TTC21B: variants seen among roughly 807,000 people sequenced by gnomAD.
The protein encoded by TTC21B is tetratricopeptide repeat domain 21B, also known as tetratricopeptide repeat protein 21B.
In TTC21B, 127 loss-of-function variants were observed where a neutral mutation model predicts 175.1. The ratio of observed to expected loss-of-function variants is 0.73; its 90% CI spans 0.63 to 0.84. The LOEUF (loss-of-function observed/expected upper bound fraction) is 0.84, where lower values mean the gene tolerates loss of function less well. Ranked by LOEUF, TTC21B falls within the 40% of genes least tolerant of loss-of-function variation. The pLI, the probability that TTC21B is intolerant of heterozygous loss-of-function variation, is 0.00. For missense variants in TTC21B, 1,561 were observed against 1,558.3 expected, an observed-to-expected ratio of 1.00 and a Z score of -0.03; for synonymous variants, 524 against 524.5, an observed-to-expected ratio of 1.00 and a Z score of 0.01.
chr2:165,944,020 T>C (rs1475288095), intron 4 of TTC21B, among the ~76,000 whole-genome samples: 1 of 152,144 alleles, frequency 6.6e-6, no homozygotes, highest in Non-Finnish European at 1.5e-5. Context: ...CTAGGTTAAC[T>C]GACAAATTTA....
intron 14 of TTC21B, among the ~76,000 whole-genome samples, chr2:165,916,150 C>A (rs1305271198): frequency 7.9e-5 from 12 of 152,248 alleles, no homozygotes; most frequent in Admixed American, 3.3e-4. Flanking sequence ...CATGGCCCAG[C>A]TACTTGAGAG....
In TTC21B at chr2:165,880,699, T is replaced by C. The variant is rs747364918; in HGVS notation, c.3785A>G (p.Asn1262Ser). 7 of 1,613,624 alleles carry C rather than the reference T, an allele frequency of 4.3e-6. No individual in the cohort carries two copies. The East Asian group carries it at 1.3e-4, about 31-fold the overall frequency. ...LNYEMAWKYS[N>S]RTNPAVGYKL... ...CTCACCTACTGCCGGATTTGTCCGA[T>C]TGCTATATTTCCATGCCATCTCATA... Residue 1262 changes from asparagine to serine, a missense_variant, in exon 27 of 29, where the codon AAT becomes AGT. Coordinates refer to ENST00000243344, the MANE Select transcript of TTC21B (RefSeq NM_024753.5).
intron 27 of TTC21B, among the ~76,000 whole-genome samples, chr2:165,878,828 C>T (rs2105278820): frequency 6.6e-6 from 1 of 151,978 alleles, no homozygotes; most frequent in East Asian, 1.9e-4. Context: ...ATTACAGGCG[C>T]CCGCCACCAT....
chr2:165,891,581 T>G (rs1278933941), intron 22 of TTC21B, among the ~76,000 whole-genome samples: 1 of 107,278 alleles, frequency 9.3e-6, no homozygotes, highest in Admixed American at 1.4e-4. Flanking sequence ...AAAAATTCAT[T>G]CATTCATTCA....
intron 1 of TTC21B, among the ~76,000 whole-genome samples, chr2:165,951,615 C>G (rs760537699): frequency 1.3e-5 from 2 of 152,160 alleles, no homozygotes; most frequent in Non-Finnish European, 2.9e-5. Flanking sequence ...CTACCTCCCA[C>G]TAAACATACC....
chr2:165,916,048 C>T (rs764189252), intron 14 of TTC21B, among the ~76,000 whole-genome samples: 6 of 152,126 alleles, frequency 3.9e-5, no homozygotes, highest in East Asian at 1.9e-4. Context: ...TTTGGGAGGC[C>T]GAGCTGGGTG....
chr2:165,901,448 G>A (rs1044712916), intron 20 of TTC21B, among the ~76,000 whole-genome samples: 2 of 151,988 alleles, frequency 1.3e-5, no homozygotes, highest in Non-Finnish European at 2.9e-5. Flanking sequence ...AGCCTCCCAA[G>A]TAGCTGGGAT....
At chr2:165,916,166 G>A (rs985619423) in intron 14 of TTC21B, among the ~76,000 whole-genome samples, 1 of 152,140 alleles carries the variant, frequency 6.6e-6, no homozygotes, top group African/African-American at 2.4e-5. Flanking sequence ...GAGAGACTGA[G>A]ATGGTAAAAT....
intron 11 of TTC21B, 100 bp from the exon 12 acceptor site, chr2:165,924,778 C>G: frequency 7.5e-7 from 1 of 1,340,756 alleles, no homozygotes; most frequent in Admixed American, 2.4e-5. Context: ...AAGCTATATA[C>G]ATTTTTCTAA....
intron 19 of TTC21B, among the ~76,000 whole-genome samples, chr2:165,904,974 A>G (rs1685681236): frequency 6.6e-6 from 1 of 152,172 alleles, no homozygotes; most frequent in South Asian, 2.1e-4. Flanking sequence ...TGCAAAATCA[A>G]CACATAATAG....
At chr2:165,939,128 G>GT (rs1687274312) in intron 6 of TTC21B, among the ~76,000 whole-genome samples, 1 of 152,106 alleles carries the variant, frequency 6.6e-6, no homozygotes, top group African/African-American at 2.4e-5. Context: ...TGTGGTGACG[G>GT]TAGCTAGGGG....
intron 11 of TTC21B, 124 bp from the exon 12 acceptor site, chr2:165,924,802 T>A: frequency 2.7e-6 from 3 of 1,094,894 alleles, no homozygotes; most frequent in South Asian, 1.6e-5. Flanking sequence ...TTCTTTGATT[T>A]AACTTATTTT....
Position 165,876,250 on chromosome 2 carries a change from A to G in TTC21B, c.3806-18T>C, listed in dbSNP as rs200361643. On this transcript the variant is annotated intron_variant, in intron 27 of 28. Coordinates refer to ENST00000243344, the MANE Select transcript of TTC21B (RefSeq NM_024753.5). ...TTTGTATCCTGTTAAGACAAAAACCATAAAACAGAATGATGGAGTACACTG... is the reference window on the plus strand; with the variant it reads ...TTTGTATCCTGTTAAGACAAAAACCGTAAAACAGAATGATGGAGTACACTG... The G allele has an allele frequency of 6.1e-5, 89 of 1,448,638 alleles. No individual in the cohort carries two copies. The highest frequency in any genetic ancestry group is 1.8e-4 in the Middle Eastern group (1 of 5,528). 89.7% of individuals were successfully genotyped at this position (1,448,638 alleles called of 1,614,324 possible).
chr2:165,951,600 C>T (rs1201682931), intron 1 of TTC21B, among the ~76,000 whole-genome samples: 1 of 152,172 alleles, frequency 6.6e-6, no homozygotes, highest in Non-Finnish European at 1.5e-5. Context: ...TTCTATTTCT[C>T]CAGTCTACCT....
intron 3 of TTC21B, among the ~76,000 whole-genome samples, chr2:165,946,981 C>T (rs937032193): frequency 1.3e-5 from 2 of 151,446 alleles, no homozygotes; most frequent in African/African-American, 4.9e-5. Context: ...AGGTCCAGTA[C>T]TGGTACTCAA....
chr2:165,883,080 C>T (rs1684888262), intron 26 of TTC21B, among the ~76,000 whole-genome samples: 2 of 151,890 alleles, frequency 1.3e-5, no homozygotes, highest in Admixed American at 6.6e-5. Flanking sequence ...ATCTAATTCG[C>T]TCAATGAGAA....
At chr2:165,909,731 T>G (rs1202453598) in intron 18 of TTC21B, among the ~76,000 whole-genome samples, 6 of 152,180 alleles carry the variant, frequency 3.9e-5, no homozygotes, top group African/African-American at 1.4e-4. Context: ...TCAGTACTGC[T>G]TCCAACTATT....
chr2:165,950,318 T>G (rs1044984240), intron 1 of TTC21B, among the ~76,000 whole-genome samples: 1 of 152,196 alleles, frequency 6.6e-6, no homozygotes, highest in African/African-American at 2.4e-5. Context: ...TTTTCCAAAG[T>G]TATATTATTT....
At position 165,874,356 on chromosome 2, in the gene TTC21B, T is replaced by C. The variant is rs1398651260; in HGVS notation, c.*399A>G. ...TCAAGGCTCTGTCTTTAAAAATAAA[T>C]AAATAAATAAAAGAATATAACAAAA... On this transcript the variant is annotated 3_prime_UTR_variant, in exon 29 of 29. Transcript: ENST00000243344. The C allele has an allele frequency of 6.4e-6, 1 of 156,574 alleles. No homozygotes were observed. The highest frequency in any genetic ancestry group is 1.4e-5 in the Non-Finnish European group (1 of 71,060). 9.7% of individuals were successfully genotyped at this position (156,574 alleles called of 1,614,324 possible). A position where few individuals can be genotyped will look rare whatever the true frequency, so the allele number is the denominator to read the frequency against.
Sources: gnomAD v4.1 joint callset for allele counts (sites outside exome capture counted in the v4.1 genomes callset) on GRCh38, gnomAD v4.1.1 for gene constraint, MANE v1.5 for transcripts, NCBI Gene and HGNC (gene_info 2026-07-23, HGNC 2026-07-21) for gene names.